The following TENM3 variants were observed in gnomAD, a reference collection of about 807,000 sequenced individuals.
TENM3 encodes the protein teneurin-3.
Under a neutral mutation model 255.1 loss-of-function variants are expected in TENM3, and 63 were observed. That is an observed-to-expected ratio of 0.25 (90% CI 0.20 to 0.30). The LOEUF (loss-of-function observed/expected upper bound fraction) is 0.30. TENM3 is among the 10% of genes least tolerant of loss of function. The pLI is 1.00. For missense variants in TENM3, 2,929 were observed against 3,461.1 expected (o/e 0.85, Z 3.86); for synonymous variants, 1,306 against 1,322.3 (o/e 0.99, Z 0.27).
chr4:181,622,482 C>A, the TENM3 span, among the ~76,000 whole-genome samples: 2 of 152,112 alleles, frequency 1.3e-5, no homozygotes, highest in Non-Finnish European at 2.9e-5. Flanking sequence ...TTCAGACCAG[C>A]ATGGCCAACT....
At chr4:182,232,774 C>G (rs1171249136) in intron 1 of TENM3, among the ~76,000 whole-genome samples, 2 of 152,068 alleles carry the variant, frequency 1.3e-5, no homozygotes, top group Admixed American at 1.3e-4. Context: ...TGCCTGAAGC[C>G]CTGGATAGTA....
At chr4:181,992,310 A>T in the TENM3 span, among the ~76,000 whole-genome samples, 1 of 152,210 alleles carries the variant, frequency 6.6e-6, no homozygotes, top group Admixed American at 6.5e-5. Context: ...TTGAAAAAGC[A>T]ATAATGGATG....
rs1156562267 is a variant in TENM3 at position 182,799,913 on chromosome 4, G to A, written c.7662G>A (p.Thr2554=). Residue 2554 remains threonine (T), a synonymous_variant, in exon 28 of 28, where the codon ACG becomes ACA. Coordinates refer to ENST00000511685, the MANE Select transcript of TENM3 (RefSeq NM_001080477.4). The surrounding 1 kb of genome is among the most constrained non-coding windows in gnomAD (Gnocchi z 4.2). The part of the protein sequence containing the change: ...KDTHYFIKTT[T]PESDLGTLRL... Reference sequence around the variant, plus strand: ...CGCACTACTTCATCAAGACCACCACGCCCGAGAGCGACCTGGGCACGCTGC... The same window carrying A: ...CGCACTACTTCATCAAGACCACCACACCCGAGAGCGACCTGGGCACGCTGC... 3.7e-6 allele frequency: 6 copies of A among 1,604,552 alleles called. No homozygotes were observed. The highest frequency in any genetic ancestry group is 5.1e-6 in the Non-Finnish European group (6 of 1,175,974).
Position 182,552,755 on chromosome 4 carries a change from T to TTAGAC in TENM3, c.512-48167_512-48163dup, listed in dbSNP as rs1580913343. The stretch of plus-strand genomic sequence containing the variant: ...TAAATTATAGAATGAGATAGTAAGG[T>TTAGAC]TAGACTTGAGAGTCTAAGAACACAG... On this transcript the variant is annotated intron_variant, in intron 3 of 27. Coordinates refer to ENST00000511685, the MANE Select transcript of TENM3 (RefSeq NM_001080477.4). Among the ~76,000 whole-genome samples the TTAGAC allele has an allele frequency of 2.6e-5, 4 of 152,278 alleles. No individual in the cohort carries two copies. The East Asian group carries it at 7.8e-4, about 30-fold the overall frequency.
the TENM3 span, among the ~76,000 whole-genome samples, chr4:182,128,718 C>A: frequency 6.6e-6 from 1 of 152,138 alleles, no homozygotes; most frequent in Non-Finnish European, 1.5e-5. Flanking sequence ...AAATACACAA[C>A]TGGAATTGAA....
chr4:181,540,282 G>A, the TENM3 span, among the ~76,000 whole-genome samples: 6,856 of 151,934 alleles, frequency 0.045, 225 homozygotes, highest in South Asian at 0.15. Context: ...AAAAATAACG[G>A]GCCACAAGTA....
chr4:182,163,256 C>G (rs1277486360), intron 1 of TENM3, among the ~76,000 whole-genome samples: 7 of 152,274 alleles, frequency 4.6e-5, no homozygotes, highest in South Asian at 4.1e-4. Flanking sequence ...TCTCTCCAAT[C>G]CATTTTTCTA....
chr4:181,882,145 C>T, the TENM3 span, among the ~76,000 whole-genome samples: 1 of 152,134 alleles, frequency 6.6e-6, no homozygotes, highest in South Asian at 2.1e-4. Flanking sequence ...AGTTCGGCTG[C>T]AAGACCCTGA....
the TENM3 span, among the ~76,000 whole-genome samples, chr4:181,817,755 C>A: frequency 6.6e-6 from 1 of 152,300 alleles, no homozygotes; most frequent in Non-Finnish European, 1.5e-5. Context: ...ATCTTGGAAG[C>A]AGAGACCAAA....
the TENM3 span, among the ~76,000 whole-genome samples, chr4:181,848,603 C>A: frequency 6.6e-6 from 1 of 152,074 alleles, no homozygotes; most frequent in African/African-American, 2.4e-5. Context: ...ATCATCAAAT[C>A]AACCCCAACA....
At chr4:182,758,852 C>CTGA (rs1312537135) in intron 22 of TENM3, among the ~76,000 whole-genome samples, 1 of 152,160 alleles carries the variant, frequency 6.6e-6, no homozygotes, top group Non-Finnish European at 1.5e-5. Context: ...CCCTTGAGCT[C>CTGA]TGATAACAGG....
At chr4:181,967,482 C>T in the TENM3 span, among the ~76,000 whole-genome samples, 5 of 152,140 alleles carry the variant, frequency 3.3e-5, no homozygotes, top group South Asian at 2.1e-4. Flanking sequence ...TTCCTATCAC[C>T]GGTTTAAAAG....
chr4:182,063,433 A>G, the TENM3 span, among the ~76,000 whole-genome samples: 1 of 152,214 alleles, frequency 6.6e-6, no homozygotes, highest in Non-Finnish European at 1.5e-5. Context: ...AAGCACTTGG[A>G]TAAAAGTAAG....
intron 3 of TENM3, among the ~76,000 whole-genome samples, chr4:182,599,877 C>A (rs987164021): frequency 6.6e-6 from 1 of 152,162 alleles, no homozygotes; most frequent in African/African-American, 2.4e-5. Context: ...GGAACCATAT[C>A]AGTTTAGCAT....
chr4:182,785,117 C>A (rs1765538003), intron 24 of TENM3, among the ~76,000 whole-genome samples: 1 of 152,016 alleles, frequency 6.6e-6, no homozygotes, highest in Non-Finnish European at 1.5e-5. Context: ...TGCTGGGACG[C>A]CCAGGCTGGA....
rs548433135 is a variant in TENM3 at position 182,383,117 on chromosome 4, A to C, written c.511+36188A>C. On this transcript the variant is annotated intron_variant, in intron 3 of 27. Transcript: ENST00000511685. ...GGAACGAGTGGGGATTTACAGCCAA[A>C]GAACAGGTGTGGAGTCGGGGTGGTG... 2.0e-5 allele frequency among the ~76,000 whole-genome samples: 3 copies of C among 152,314 alleles called. No homozygotes were observed. In the East Asian group the frequency reaches 5.8e-4, roughly 29 times the overall value.
rs545523049 is a variant in TENM3 at position 182,384,171 on chromosome 4, C to T, written c.511+37242C>T. On this transcript the variant is annotated intron_variant, in intron 3 of 27. Coordinates refer to ENST00000511685, the MANE Select transcript of TENM3 (RefSeq NM_001080477.4). Reference sequence around the variant, plus strand: ...GATCTTTCACACTCACCCTGTGAAGCCGACTTTTTCAAATGAAAAAACATA... The same window carrying T: ...GATCTTTCACACTCACCCTGTGAAGTCGACTTTTTCAAATGAAAAAACATA... 1.5e-4 allele frequency among the ~76,000 whole-genome samples: 23 copies of T among 152,260 alleles called. No individual in the cohort carries two copies. In the South Asian group the frequency reaches 2.9e-3, roughly 19 times the overall value.
chr4:182,102,659 TG>T, the TENM3 span, among the ~76,000 whole-genome samples: 1 of 152,126 alleles, frequency 6.6e-6, no homozygotes, highest in South Asian at 2.1e-4. Flanking sequence ...TTGCATGGAG[TG>T]TGAGACAAAA....
At chr4:182,347,891 A>G (rs1490691354) in intron 3 of TENM3, among the ~76,000 whole-genome samples, 4 of 152,226 alleles carry the variant, frequency 2.6e-5, no homozygotes, top group African/African-American at 9.6e-5. Context: ...AAAGAATTGC[A>G]TGACATTTGA....
Sources: allele counts gnomAD v4.1 joint callset (sites outside exome capture counted in the v4.1 genomes callset), GRCh38; gene constraint gnomAD v4.1.1; non-coding constraint Gnocchi (gnomAD v3.1); transcripts MANE v1.5; gene names NCBI Gene and HGNC (gene_info 2026-07-23, HGNC 2026-07-21).